Variants in RBFOX1 observed in about 807,000 individuals in gnomAD.
RBFOX1 encodes RNA binding protein fox-1 homolog 1.
Under a neutral mutation model 57.7 loss-of-function variants are expected in RBFOX1, and 8 were observed. That is an observed-to-expected ratio of 0.14 (90% CI 0.08 to 0.25). RBFOX1 has a LOEUF of 0.25. Ranked by LOEUF, RBFOX1 falls within the 10% of genes least tolerant of loss-of-function variation. The pLI, the probability that RBFOX1 is intolerant of heterozygous loss-of-function variation, is 1.00. For synonymous variants in RBFOX1, 326 were observed against 222.4 expected (o/e 1.47, Z -4.15); for missense variants, 611 against 548.5 (o/e 1.11, Z -1.14).
chr16:5,352,948 CA>C (rs2065296646), intron 1 of RBFOX1, among the ~76,000 whole-genome samples: 1 of 152,030 alleles, frequency 6.6e-6, no homozygotes, highest in African/African-American at 2.4e-5. Context: ...GTTTTAGAAA[CA>C]AAAATATCCT....
intron 4 of RBFOX1, among the ~76,000 whole-genome samples, chr16:7,398,075 T>C (rs1037006018): frequency 6.6e-6 from 1 of 152,164 alleles, no homozygotes; most frequent in Non-Finnish European, 1.5e-5. Flanking sequence ...GTTGCTCTAT[T>C]TCCTGGGTTG....
intron 4 of RBFOX1, among the ~76,000 whole-genome samples, chr16:7,501,066 A>G (rs1026019389): frequency 2.7e-4 from 41 of 152,186 alleles, no homozygotes; most frequent in Non-Finnish European, 1.5e-4. Context: ...AGCCAGGCTG[A>G]ACTGTGAGTC....
chr16:6,632,866 C>G (rs2098401375), intron 2 of RBFOX1, among the ~76,000 whole-genome samples: 1 of 152,170 alleles, frequency 6.6e-6, no homozygotes, highest in Admixed American at 6.5e-5. Flanking sequence ...TAACCTTATA[C>G]AAGGGGATGG....
At chr16:6,897,381 T>C (rs955168658) in intron 3 of RBFOX1, among the ~76,000 whole-genome samples, 1 of 148,338 alleles carries the variant, frequency 6.7e-6, no homozygotes, top group African/African-American at 2.5e-5. Context: ...CCAGCCGGGG[T>C]GACAGAGCGA....
intron 1 of RBFOX1, among the ~76,000 whole-genome samples, chr16:5,305,043 C>G (rs2063899748): frequency 1.3e-5 from 2 of 152,114 alleles, no homozygotes; most frequent in South Asian, 4.2e-4. Flanking sequence ...TTTCATCCAC[C>G]TGCAGCTTGT....
chr16:6,010,050 G>A (rs1231316226), intron 4 of RBFOX1, among the ~76,000 whole-genome samples: 1 of 152,068 alleles, frequency 6.6e-6, no homozygotes, highest in Non-Finnish European at 1.5e-5. Context: ...TCAGGCACGT[G>A]GCTGCTGCAG....
intron 3 of RBFOX1, among the ~76,000 whole-genome samples, chr16:5,815,874 G>A (rs967022207): frequency 6.6e-6 from 1 of 152,210 alleles, no homozygotes; most frequent in African/African-American, 2.4e-5. Context: ...GGGGCTGGGA[G>A]CCTGGGGCTG....
At chr16:5,635,978 G>T (rs1487371417) in intron 3 of RBFOX1, among the ~76,000 whole-genome samples, 2 of 152,164 alleles carry the variant, frequency 1.3e-5, no homozygotes, top group African/African-American at 4.8e-5. Flanking sequence ...GGAGTCCAAG[G>T]TGGGAGGATT....
intron 4 of RBFOX1, among the ~76,000 whole-genome samples, chr16:7,342,758 C>A (rs192338003): frequency 1.4e-3 from 215 of 152,104 alleles, no homozygotes; most frequent in African/African-American, 4.8e-3. Context: ...GGTGTGAAAC[C>A]ACCATCCTCT....
At chr16:5,521,221 C>T (rs1225685927) in intron 2 of RBFOX1, among the ~76,000 whole-genome samples, 2 of 152,098 alleles carry the variant, frequency 1.3e-5, no homozygotes, top group Non-Finnish European at 2.9e-5. Flanking sequence ...TTTAGTGTCA[C>T]CACCAGGGTC....
At chr16:6,391,451 A>G (rs796481235) in intron 2 of RBFOX1, among the ~76,000 whole-genome samples, 6 of 151,370 alleles carry the variant, frequency 4.0e-5, no homozygotes, top group African/African-American at 1.5e-4. Context: ...TGGAGCTTGC[A>G]GTGAGCCGAG....
intron 4 of RBFOX1, among the ~76,000 whole-genome samples, chr16:5,871,430 G>A (rs192884587): frequency 6.6e-6 from 1 of 152,312 alleles, no homozygotes; most frequent in South Asian, 2.1e-4. Context: ...AATTGGCCCT[G>A]CATGGTTCCA....
chr16:6,580,145 G>C (rs1360850591), intron 2 of RBFOX1, among the ~76,000 whole-genome samples: 3 of 152,028 alleles, frequency 2.0e-5, no homozygotes, highest in South Asian at 2.1e-4. Flanking sequence ...TTTTAGAAGA[G>C]ACAGGGTTTC....
At chr16:5,346,921 C>T (rs990123325) in intron 1 of RBFOX1, among the ~76,000 whole-genome samples, 2 of 152,168 alleles carry the variant, frequency 1.3e-5, no homozygotes, top group African/African-American at 2.4e-5. Context: ...AGAATGGACC[C>T]TGGCTTGTGG....
At chr16:5,913,469 A>T (rs1418208419) in intron 4 of RBFOX1, among the ~76,000 whole-genome samples, 1 of 152,186 alleles carries the variant, frequency 6.6e-6, no homozygotes, top group East Asian at 1.9e-4. Context: ...GCTGTTTAAA[A>T]GAGCCTGGTA....
intron 2 of RBFOX1, among the ~76,000 whole-genome samples, chr16:6,355,089 T>A (rs933994456): frequency 6.6e-6 from 1 of 152,194 alleles, no homozygotes. Flanking sequence ...CATTCTCCAA[T>A]AACCCCTTCA....
intron 1 of RBFOX1, among the ~76,000 whole-genome samples, chr16:5,455,875 G>A (rs761241517): frequency 9.9e-5 from 15 of 152,150 alleles, no homozygotes; most frequent in Non-Finnish European, 2.1e-4. Context: ...ATTAAAATTA[G>A]CCTTTGACTA....
At chr16:6,736,129 T>A (rs1040492160) in intron 3 of RBFOX1, among the ~76,000 whole-genome samples, 2 of 152,176 alleles carry the variant, frequency 1.3e-5, no homozygotes, top group Admixed American at 1.3e-4. Context: ...ATACAATTTA[T>A]GTCCATGTTG....
chr16:5,785,670 G>C (rs1260705124), intron 3 of RBFOX1, among the ~76,000 whole-genome samples: 4 of 152,056 alleles, frequency 2.6e-5, no homozygotes, highest in Non-Finnish European at 5.9e-5. Context: ...TGGGATTACA[G>C]GCATGCACCA....
Sources: allele counts gnomAD v4.1 joint callset (sites outside exome capture counted in the v4.1 genomes callset), GRCh38; gene constraint gnomAD v4.1.1; transcripts MANE v1.5; gene names NCBI Gene and HGNC (gene_info 2026-07-23, HGNC 2026-07-21).